GMCL1: variants seen among roughly 807,000 people sequenced by gnomAD.
GMCL1 encodes the protein germ cell-less protein-like 1.
GMCL1 carries 54 observed loss-of-function variants against 75.5 expected under a neutral mutation model. The observed-to-expected ratio is 0.71, with a 90% CI of 0.57 to 0.90. The LOEUF is 0.90. Among genes scored for constraint, GMCL1 ranks in the 40% least tolerant of loss-of-function variants. The probability of loss-of-function intolerance (pLI) is 0.00; values close to 1 mark genes in which losing one functional copy is unlikely to be tolerated. For missense variants in GMCL1, 537 were observed against 622.7 expected, an observed-to-expected ratio of 0.86 and a Z score of 1.47; for synonymous variants, 210 against 209.6, an observed-to-expected ratio of 1.00 and a Z score of -0.02.
In GMCL1 at chr2:69,858,087, A is replaced by G. The variant is rs144928870; in HGVS notation, c.1072+3127A>G. ...TGGGAAAATACTGGGTTTATATTCA[A>G]AACTGCTGTAGACTAGATCACAGCT... On this transcript the variant is annotated intron_variant, in intron 9 of 13. Transcript: ENST00000282570. Among the ~76,000 whole-genome samples the G allele has an allele frequency of 2.6e-3, 393 of 152,336 alleles. 1 individual carries two copies. Among genetic ancestry groups the G allele is most frequent in the African/African-American group, 9.0e-3 (376 of 41,584 alleles).
intron 9 of GMCL1, 53 bp from the exon 10 acceptor site, chr2:69,861,225 C>CT: frequency 8.0e-7 from 1 of 1,245,450 alleles, no homozygotes; most frequent in Non-Finnish European, 1.1e-6. Context: ...TGTTTAAATC[C>CT]TTTATGTTCT....
intron 1 of GMCL1, among the ~76,000 whole-genome samples, chr2:69,832,681 T>G (rs1030409801): frequency 6.6e-6 from 1 of 152,240 alleles, no homozygotes; most frequent in Non-Finnish European, 1.5e-5. Context: ...TAGTTGAGTC[T>G]TGCTTCTTTT....
intron 10 of GMCL1, among the ~76,000 whole-genome samples, chr2:69,862,354 A>G (rs922267236): frequency 7.2e-5 from 11 of 152,178 alleles, no homozygotes; most frequent in African/African-American, 2.7e-4. Context: ...TATTACATAA[A>G]TTCATGATGA....
At chr2:69,876,153 T>C (rs770846137) in intron 13 of GMCL1, among the ~76,000 whole-genome samples, 1 of 152,164 alleles carries the variant, frequency 6.6e-6, no homozygotes, top group Non-Finnish European at 1.5e-5. Flanking sequence ...CAGACAGCAA[T>C]GTGTAGGAAG....
In GMCL1 at chr2:69,879,740, G is replaced by C. The variant is rs185470356; in HGVS notation, c.*736G>C. 9.0e-4 allele frequency: 137 copies of C among 152,208 alleles called. No homozygotes were observed. The highest frequency in any genetic ancestry group is 3.4e-3 in the Middle Eastern group (1 of 294). 9.4% of individuals were successfully genotyped at this position (152,208 alleles called of 1,614,324 possible). Reference sequence around the variant, plus strand: ...TCTTGAATGAGGGAAAAATCAGTTTGATTCCAAGGATATTTCTTGCCTTAC... The same window carrying C: ...TCTTGAATGAGGGAAAAATCAGTTTCATTCCAAGGATATTTCTTGCCTTAC... On this transcript the variant is annotated 3_prime_UTR_variant, in exon 14 of 14. Coordinates refer to ENST00000282570, the MANE Select transcript of GMCL1 (RefSeq NM_178439.5).
At chr2:69,830,441 A>G (rs1674640374) in intron 1 of GMCL1, among the ~76,000 whole-genome samples, 3 of 152,218 alleles carry the variant, frequency 2.0e-5, no homozygotes. Context: ...GTTAAACCTT[A>G]GAGACGCCCG....
rs1207817401 is a variant in GMCL1, at chr2:69,859,742, T to TAA, written c.1073-1521_1073-1520dup. Among the ~76,000 whole-genome samples, 15 of 79,102 alleles carry TAA rather than the reference T, an allele frequency of 1.9e-4. 1 individual carries two copies. Among genetic ancestry groups the TAA allele is most frequent in the South Asian group, 1.4e-3 (3 of 2,190 alleles). 51.9% of individuals were successfully genotyped at this position (79,102 alleles called of 152,430 possible). ...GAGTGAGACCGTGTCTCTCTCTCTC[T>TAA]AAAAAAAAAAAAAAAAGTATATATG... is the stretch of plus-strand genomic sequence containing the variant. On this transcript the variant is annotated intron_variant, in intron 9 of 13. Coordinates refer to ENST00000282570, the MANE Select transcript of GMCL1 (RefSeq NM_178439.5).
chr2:69,838,429 C>T (rs1472251815), intron 2 of GMCL1, among the ~76,000 whole-genome samples: 1 of 144,136 alleles, frequency 6.9e-6, no homozygotes, highest in East Asian at 2.1e-4. Flanking sequence ...CATTTTCTTT[C>T]ATCAAATCTA....
rs1041379228 is a variant in GMCL1, at chr2:69,856,652, T to G, written c.1072+1692T>G. ...CATCTCTTCCCTCCTTTTTTTTTTT[T>G]TTTTTTTTTTTTTTTTAACTTCCAG... is the stretch of plus-strand genomic sequence containing the variant. On this transcript the variant is annotated intron_variant, in intron 9 of 13. Transcript: ENST00000282570. 2.6e-3 allele frequency among the ~76,000 whole-genome samples: 381 copies of G among 145,304 alleles called. 6 individuals are homozygous for G. The highest frequency in any genetic ancestry group is 9.2e-3 in the African/African-American group (359 of 39,180).
Position 69,830,036 on chromosome 2 carries a change from C to T in GMCL1, c.144C>T (p.Gly48=), listed in dbSNP as rs1224353652. 1.9e-6 allele frequency: 3 copies of T among 1,564,358 alleles called. No individual in the cohort carries two copies. The highest frequency in any genetic ancestry group is 1.9e-5 in the Admixed American group (1 of 52,350). ...AAGHGFCYCA[G]SHKRKRSSGS... is the part of the protein sequence containing the mutation. ...GCCACGGATTCTGTTACTGTGCGGG[C>T]AGCCACAAGCGCAAGCGGAGCAGCG... The change falls in exon 1 of 14, where the codon GGC becomes GGT. Residue 48 remains glycine (G), a synonymous_variant. Coordinates refer to ENST00000282570, the MANE Select transcript of GMCL1 (RefSeq NM_178439.5).
In GMCL1 at chr2:69,877,686, CAG is replaced by C. The variant is rs200998542; in HGVS notation, c.1453-1213_1453-1212del. On this transcript the variant is annotated intron_variant, in intron 13 of 13. Transcript: ENST00000282570. ...TTTTATAATACCACTTTCCCTCGTA[CAG>C]AGAGAGAGATTGTGTGTTTGTGTGT... Among the ~76,000 whole-genome samples the C allele has an allele frequency of 8.4e-3, 1,127 of 134,896 alleles. 17 individuals carry two copies. Among genetic ancestry groups the C allele is most frequent in the African/African-American group, 0.029 (1,028 of 35,320 alleles). 88.5% of individuals were successfully genotyped at this position (134,896 alleles called of 152,430 possible).
chr2:69,879,062 A>G lies in GMCL1; in HGVS notation c.*58A>G. On this transcript the variant is annotated 3_prime_UTR_variant, in exon 14 of 14. Coordinates refer to ENST00000282570, the MANE Select transcript of GMCL1 (RefSeq NM_178439.5). ...GAAGATTTCATCAGTTGGAAACAGT[A>G]GCACTTTGAAAACTTTTTAGGCCAG... 2 of 1,136,710 alleles carry G rather than the reference A, an allele frequency of 1.8e-6. No individual in the cohort carries two copies. The highest frequency in any genetic ancestry group is 1.3e-5 in the South Asian group (1 of 76,540). The allele number at this position is 1,136,710 out of a possible 1,614,324, so 70.4% of individuals were successfully genotyped here.
chr2:69,829,935 G>A lies in GMCL1; in HGVS notation c.43G>A (p.Ala15Thr), dbSNP rs754411391. 1.2e-6 allele frequency: 2 copies of A among 1,604,370 alleles called. No individual in the cohort carries two copies. Among genetic ancestry groups the A allele is most frequent in the African/African-American group, 2.7e-5 (2 of 74,750 alleles). ...SSRVLRQPRP[A>T]LAQQAQGARA... Reference sequence around the variant, plus strand: ...CCGGGTGCTGCGCCAGCCAAGACCAGCCCTTGCCCAGCAGGCGCAGGGTGC... The same window carrying A: ...CCGGGTGCTGCGCCAGCCAAGACCAACCCTTGCCCAGCAGGCGCAGGGTGC... Residue 15 changes from alanine (A) to threonine (T), a missense_variant, in exon 1 of 14, where the codon GCC becomes ACC. Coordinates refer to ENST00000282570, the MANE Select transcript of GMCL1 (RefSeq NM_178439.5).
Position 69,878,945 on chromosome 2 carries a change from A to T in GMCL1, c.1489A>T (p.Ile497Phe). The change falls in exon 14 of 14, where the codon ATC becomes TTC. Residue 497 changes from isoleucine (I) to phenylalanine (F), a missense_variant. This residue lies in a region of GMCL1 where 345 missense variants were observed against 410.5 expected (regional missense o/e 0.84). Coordinates refer to ENST00000282570, the MANE Select transcript of GMCL1 (RefSeq NM_178439.5). ...GATGAACTTGGACAGCAGGCTTCTG[A>T]TCTTCCCTTTATATATCTGCTGTAA... Reference protein sequence around the residue: ...VVMNLDSRLLIFPLYICCNFL... With the variant: ...VVMNLDSRLLFFPLYICCNFL... The T allele has an allele frequency of 1.2e-6, 2 of 1,610,816 alleles. No homozygotes were observed. The highest frequency in any genetic ancestry group is 1.7e-6 in the Non-Finnish European group (2 of 1,177,140).
intron 11 of GMCL1, among the ~76,000 whole-genome samples, chr2:69,867,275 T>C (rs1390163193): frequency 6.6e-6 from 1 of 152,118 alleles, no homozygotes; most frequent in African/African-American, 2.4e-5. Flanking sequence ...ACTACTCTTA[T>C]TCTCGGTCGT....
chr2:69,845,902 G>A (rs1446938883), intron 6 of GMCL1, among the ~76,000 whole-genome samples: 1 of 151,502 alleles, frequency 6.6e-6, no homozygotes, highest in Non-Finnish European at 1.5e-5. Context: ...TGATGGAAAT[G>A]TACAAAACCA....
intron 11 of GMCL1, among the ~76,000 whole-genome samples, chr2:69,868,565 A>T (rs533223745): frequency 2.1e-3 from 317 of 149,570 alleles, no homozygotes; most frequent in African/African-American, 3.7e-3. Flanking sequence ...TTTTATTTTT[A>T]TTTTTTTTTA....
intron 1 of GMCL1, among the ~76,000 whole-genome samples, chr2:69,836,282 C>T (rs1004212497): frequency 1.3e-5 from 2 of 152,172 alleles, no homozygotes; most frequent in African/African-American, 4.8e-5. Flanking sequence ...AATCTCTCAT[C>T]AAGTGATGAG....
chr2:69,849,548 A>T (rs1360560628), intron 7 of GMCL1, 104 bp from the exon 8 acceptor site: 3 of 674,170 alleles, frequency 4.4e-6, no homozygotes, highest in Non-Finnish European at 7.1e-6. Flanking sequence ...TAGAAGTTAA[A>T]TTTTTTAGCT....
Sources: gnomAD v4.1 joint callset for allele counts (sites outside exome capture counted in the v4.1 genomes callset) on GRCh38, gnomAD v4.1.1 for gene constraint, gnomAD v4.1.1 regional missense constraint, MANE v1.5 for transcripts, NCBI Gene and HGNC (gene_info 2026-07-23, HGNC 2026-07-21) for gene names.